The following SCN4A variants were observed in gnomAD, a reference collection of about 807,000 sequenced individuals.
SCN4A encodes sodium channel protein type 4 subunit alpha.
SCN4A carries 83 observed loss-of-function variants against 162.0 expected under a neutral mutation model. The ratio of observed to expected loss-of-function variants is 0.51; its 90% confidence interval spans 0.43 to 0.61. The LOEUF is 0.61. Among genes scored for constraint, SCN4A ranks in the 20% least tolerant of loss-of-function variants. The pLI, the probability that SCN4A is intolerant of heterozygous loss-of-function variation, is 0.00. For synonymous variants in SCN4A, 944 were observed against 985.1 expected, an observed-to-expected ratio of 0.96 and a Z score of 0.78; for missense variants, 2,196 against 2,462.5, an observed-to-expected ratio of 0.89 and a Z score of 2.29.
At chr17:63,953,737 G>C (rs528935967) in intron 13 of SCN4A, among the ~76,000 whole-genome samples, 22 of 152,150 alleles carry the variant, frequency 1.4e-4, no homozygotes, top group Admixed American at 8.5e-4. Flanking sequence ...GTTATACAAG[G>C]TGTAGGAAGA....
chr17:63,959,311 C>G lies in SCN4A; in HGVS notation c.1973G>C (p.Gly658Ala). 1 of 1,613,952 alleles carries G rather than the reference C, an allele frequency of 6.2e-7. No individual in the cohort carries two copies. Among genetic ancestry groups the G allele is most frequent in the Non-Finnish European group, 8.5e-7 (1 of 1,179,854 alleles). The change falls in exon 12 of 24, where the codon GGC becomes GCC. Residue 658 changes from glycine (G) to alanine (A), a missense_variant. By Grantham distance (60) the Gly-to-Ala change is moderately conservative (BLOSUM62 0). Transcript: ENST00000435607. ...IIVTLSLVELGLANVQGLSVL... is the reference protein window; with the variant it reads ...IIVTLSLVELALANVQGLSVL... ...AGACAGTCCCTGTACGTTGGCCAGG[C>G]CTAGCTCTACCAGGCTGAGGGTGAC...
At position 63,972,682 on chromosome 17, in the gene SCN4A, G is replaced by A; in HGVS notation, c.160C>T (p.Pro54Ser). 6.2e-7 allele frequency: 1 copy of A among 1,613,622 alleles called. No homozygotes were observed. The change falls in exon 1 of 24, where the codon CCA becomes TCA. Residue 54 changes from proline (P) to serine (S), a missense_variant. By Grantham distance (74) the Pro-to-Ser change is moderately conservative. Transcript: ENST00000435607. This position sits in a 1 kb window ranked among gnomAD's most constrained non-coding sequence, Gnocchi z 4.3. The stretch of plus-strand genomic sequence containing the variant: ...TTGCCAGCCTCCAAGTCACTTCGTG[G>A]CTTCCGTTCGGGCTCCTCAATCTCC... ...QMEIEEPERKPRSDLEAGKNL... is the reference protein window; with the variant it reads ...QMEIEEPERKSRSDLEAGKNL...
chr17:63,944,149 T>A lies in SCN4A; in HGVS notation c.3913-299A>T, dbSNP rs1477591845. Among the ~76,000 whole-genome samples, 1 of 151,998 alleles carries A rather than the reference T, an allele frequency of 6.6e-6. No homozygotes were observed. The highest frequency in any genetic ancestry group is 1.5e-5 in the Non-Finnish European group (1 of 67,984). Reference sequence around the variant, plus strand: ...CAGGTTGTAGCAGCCTCGTCTTTTTTTTTGTTGTTGAGATGGAGTCTCGCT... The same window carrying A: ...CAGGTTGTAGCAGCCTCGTCTTTTTATTTGTTGTTGAGATGGAGTCTCGCT... On this transcript the variant is annotated intron_variant, in intron 21 of 23. Coordinates refer to ENST00000435607, the MANE Select transcript of SCN4A (RefSeq NM_000334.4). The surrounding 1 kb of genome is among the most constrained non-coding windows in gnomAD (Gnocchi z 4.3).
rs755865631 is a variant in SCN4A, at chr17:63,972,823, A to C, written c.19T>G (p.Cys7Gly). The change falls in exon 1 of 24, where the codon TGC (cysteine) becomes GGC (glycine). Residue 7 changes from cysteine (C) to glycine (G), a missense_variant. By Grantham distance (159) the Cys-to-Gly change is radical. Transcript: ENST00000435607. This position sits in a 1 kb window ranked among gnomAD's most constrained non-coding sequence, Gnocchi z 4.3. ...TCAGGGCCCAGAGGCACCAGGGTGC[A>C]CAGAGATGGTCTGGCCATCCTCGCA... is the stretch of plus-strand genomic sequence containing the variant. The part of the protein sequence containing the change: MARPSL[C>G]TLVPLGPECL... 1.2e-6 allele frequency: 2 copies of C among 1,612,416 alleles called. No homozygotes were observed. The highest frequency in any genetic ancestry group is 1.1e-5 in the South Asian group (1 of 90,944).
At chr17:63,969,651 CTTTTT>C (rs376049044) in intron 5 of SCN4A, among the ~76,000 whole-genome samples, 12 of 150,276 alleles carry the variant, frequency 8.0e-5, no homozygotes, top group Middle Eastern at 3.5e-3. Context: ...CTTTTCTTTT[CTTTTT>C]TTTTTGAGAT....
Position 63,957,198 on chromosome 17 carries a change from G to C in SCN4A, c.2340C>G (p.Thr780=). 2 of 1,592,594 alleles carry C rather than the reference G, an allele frequency of 1.3e-6. No homozygotes were observed. Among genetic ancestry groups the C allele is most frequent in the Non-Finnish European group, 1.7e-6 (2 of 1,164,922 alleles). ...MEVAGQAMCL[T]VFLMVMVIGN... is the part of the protein sequence containing the mutation. The stretch of plus-strand genomic sequence containing the variant: ...CGATGACCATGACCATGAGGAAGAC[G>C]GTGAGGCACATGGCTTGGCCGGCCA... Residue 780 remains threonine, a synonymous_variant, in exon 13 of 24, where the codon ACC becomes ACG. Transcript: ENST00000435607.
intron 23 of SCN4A, 79 bp from the exon 24 acceptor site, chr17:63,942,072 G>C (rs1908558242): frequency 7.3e-7 from 1 of 1,366,840 alleles, no homozygotes; most frequent in East Asian, 2.5e-5. Flanking sequence ...CGGGGCTCAG[G>C]GGGCCCGGCC....
Position 63,971,144 on chromosome 17 carries a change from C to T in SCN4A, c.703+18G>A, listed in dbSNP as rs561981114. The T allele has an allele frequency of 7.2e-6, 11 of 1,524,998 alleles. No individual in the cohort carries two copies. Among genetic ancestry groups the T allele is most frequent in the Admixed American group, 3.9e-5 (2 of 51,180 alleles). 94.5% of individuals were successfully genotyped at this position (1,524,998 alleles called of 1,614,324 possible). A position where few individuals can be genotyped will look rare whatever the true frequency, so the allele number is the denominator to read the frequency against. Reference sequence around the variant, plus strand: ...GGTCTCTCAGCTCAGGCAGAGGGTCCCTGCACCTCCCCAGTACCTGGGATG... The same window carrying T: ...GGTCTCTCAGCTCAGGCAGAGGGTCTCTGCACCTCCCCAGTACCTGGGATG... On this transcript the variant is annotated intron_variant, in intron 5 of 23. Transcript: ENST00000435607.
chr17:63,940,286 T>G lies in SCN4A; in HGVS notation c.*485A>C. 6.4e-6 allele frequency: 1 copy of G among 156,424 alleles called. No individual in the cohort carries two copies. Among genetic ancestry groups the G allele is most frequent in the Non-Finnish European group, 1.4e-5 (1 of 71,160 alleles). The allele number at this position is 156,424 out of a possible 1,614,324, so 9.7% of individuals were successfully genotyped here. ...GGGTGGGCTGGCAGTGCCCTGGGGT[T>G]AGGTGTCTGCACTCCCTGAGGTTAA... On this transcript the variant is annotated 3_prime_UTR_variant, in exon 24 of 24. Transcript: ENST00000435607.
At chr17:63,963,846 C>G (rs751938039) in intron 9 of SCN4A, 21 bp from the exon 10 acceptor site, 1 of 1,583,356 alleles carries the variant, frequency 6.3e-7, no homozygotes, top group South Asian at 1.2e-5. Context: ...GCAAGAGTGA[C>G]TGGCAGGAAG....
At chr17:63,947,665 C>T (rs1908768307) in intron 17 of SCN4A, among the ~76,000 whole-genome samples, 2 of 152,232 alleles carry the variant, frequency 1.3e-5, no homozygotes, top group African/African-American at 4.8e-5. Context: ...GCCCTCCTGC[C>T]TGCTGTCTTC....
chr17:63,964,349 C>T lies in SCN4A; in HGVS notation c.1452+119G>A, dbSNP rs1049102151. On this transcript the variant is annotated intron_variant, in intron 9 of 23. Coordinates refer to ENST00000435607, the MANE Select transcript of SCN4A (RefSeq NM_000334.4). ...CCAGGGCCTTCTGCTCCTTCTGCCT[C>T]AAAACCCCTACCCCTGTACCCTCCC... is the stretch of plus-strand genomic sequence containing the variant. The T allele has an allele frequency of 9.6e-6, 8 of 836,504 alleles. No homozygotes were observed. The African/African-American group carries it at 1.2e-4, about 12-fold the overall frequency. The allele number at this position is 836,504 out of a possible 1,614,324, so 51.8% of individuals were successfully genotyped here. A position where few individuals can be genotyped will look rare whatever the true frequency, so the allele number is the denominator to read the frequency against.
At chr17:63,963,221 CTGTT>C (rs1232855241) in intron 10 of SCN4A, among the ~76,000 whole-genome samples, 4 of 152,202 alleles carry the variant, frequency 2.6e-5, no homozygotes, top group Admixed American at 6.5e-5. Flanking sequence ...GTCTGTCACT[CTGTT>C]TGGGCAGAAT....
At chr17:63,954,923 G>T (rs1909025015) in intron 13 of SCN4A, among the ~76,000 whole-genome samples, 1 of 152,148 alleles carries the variant, frequency 6.6e-6, no homozygotes. Context: ...CCCACACACG[G>T]GACAGACTCA....
rs529705195 is a variant in SCN4A, at chr17:63,949,739, G to A, written c.2854-211C>T. The A allele has an allele frequency of 6.5e-3, 3,463 of 532,014 alleles. 16 individuals carry two copies. Among genetic ancestry groups the A allele is most frequent in the Non-Finnish European group, 9.7e-3 (2,922 of 301,898 alleles). The allele number at this position is 532,014 out of a possible 1,614,324, so 33.0% of individuals were successfully genotyped here. ...CATGCCCGCATGACACTTATATAAG[G>A]AGTGGGGCGGGGCTGATGCCTGGGA... is the stretch of plus-strand genomic sequence containing the variant. On this transcript the variant is annotated intron_variant, in intron 14 of 23. Coordinates refer to ENST00000435607, the MANE Select transcript of SCN4A (RefSeq NM_000334.4).
Position 63,940,214 on chromosome 17 carries a change from A to C in SCN4A, c.*557T>G. 1 of 152,822 alleles carries C rather than the reference A, an allele frequency of 6.5e-6. No individual in the cohort carries two copies. Among genetic ancestry groups the C allele is most frequent in the Non-Finnish European group, 1.5e-5 (1 of 68,428 alleles). The allele number at this position is 152,822 out of a possible 1,614,324, so 9.5% of individuals were successfully genotyped here. A position where few individuals can be genotyped will look rare whatever the true frequency, so the allele number is the denominator to read the frequency against. On this transcript the variant is annotated 3_prime_UTR_variant, in exon 24 of 24. Transcript: ENST00000435607. ...CAGTCACATTTCCCTTTTCCAGGGA[A>C]TTCCTGAGCTGGCCTGGTGGGTGAA...
intron 13 of SCN4A, among the ~76,000 whole-genome samples, chr17:63,953,292 G>T (rs1369590587): frequency 6.6e-6 from 1 of 151,870 alleles, no homozygotes; most frequent in Admixed American, 6.6e-5. Flanking sequence ...CCCGGGAGGT[G>T]GAGGTTGCAG....
rs777379336 is a variant in SCN4A, at chr17:63,945,495, A to C, written c.3585T>G (p.Ser1195=). 6.2e-7 allele frequency: 1 copy of C among 1,613,974 alleles called. No individual in the cohort carries two copies. The highest frequency in any genetic ancestry group is 2.2e-5 in the East Asian group (1 of 44,886). Residue 1195 remains serine (S), a synonymous_variant, in exon 19 of 24, where the codon TCT becomes TCG. Coordinates refer to ENST00000435607, the MANE Select transcript of SCN4A (RefSeq NM_000334.4). The surrounding 1 kb of genome is among the most constrained non-coding windows in gnomAD (Gnocchi z 4.4). ...KFYYCINTTT[S]ERFDISEVNN... Reference sequence around the variant, plus strand: ...TGACCTCGGAGATGTCGAACCTCTCAGAGGTGGTGGTGTTGATGCAGTAGT... The same window carrying C: ...TGACCTCGGAGATGTCGAACCTCTCCGAGGTGGTGGTGTTGATGCAGTAGT...
At chr17:63,946,724 GCCTT>G (rs2144781068) in intron 18 of SCN4A, among the ~76,000 whole-genome samples, 1 of 152,306 alleles carries the variant, frequency 6.6e-6, no homozygotes, top group East Asian at 1.9e-4. Context: ...ACATAAACCT[GCCTT>G]CCTTCCTCCT....
Sources: gnomAD v4.1 joint callset for allele counts (sites outside exome capture counted in the v4.1 genomes callset) on GRCh38, gnomAD v4.1.1 for gene constraint, Gnocchi (gnomAD v3.1) non-coding constraint, MANE v1.5 for transcripts, NCBI Gene and HGNC (gene_info 2026-07-23, HGNC 2026-07-21) for gene names.